Variants in CALCR observed in about 807,000 individuals in gnomAD.
CALCR encodes the protein calcitonin receptor.
A neutral mutation model predicts 59.5 loss-of-function variants in CALCR; 47 were observed. The observed-to-expected ratio is 0.79, with a 90% CI of 0.63 to 1.01. The LOEUF is 1.01. Ranked by LOEUF, CALCR falls within the 50% of genes least tolerant of loss-of-function variation. The pLI is 0.00. For missense variants in CALCR, 566 were observed against 597.1 expected (o/e 0.95, Z 0.54); for synonymous variants, 213 against 211.3 (o/e 1.01, Z -0.07).
chr7:93,499,684 G>T lies in CALCR; in HGVS notation c.-26-12677C>A, dbSNP rs148035085. ...CTAAGTGAAACTCTGGTAAATATAT[G>T]ATTGGTTAAATATGTTGGTGCTTGG... On this transcript the variant is annotated intron_variant, in intron 2 of 13. Transcript: ENST00000426151. Among the ~76,000 whole-genome samples, 536 of 151,830 alleles carry T rather than the reference G, an allele frequency of 3.5e-3. 3 individuals are homozygous for T. Among genetic ancestry groups the T allele is most frequent in the African/African-American group, 0.012 (504 of 41,506 alleles).
At chr7:93,451,442 T>C (rs1800108213) in intron 8 of CALCR, among the ~76,000 whole-genome samples, 1 of 152,058 alleles carries the variant, frequency 6.6e-6, no homozygotes, top group Non-Finnish European at 1.5e-5. Context: ...CATGTCCTTT[T>C]CTGCTCCCCT....
At chr7:93,472,217 TCTACTCTAGAGATTCC>T (rs1221252688) in intron 6 of CALCR, among the ~76,000 whole-genome samples, 142 bp downstream of exon 6, 2 of 151,822 alleles carry the variant, frequency 1.3e-5, no homozygotes, top group African/African-American at 4.8e-5. Context: ...TTTCTCTAAT[TCTACTCTAGAGATTCC>T]TAGAACTTAC....
At chr7:93,427,637 T>C (rs1799558405) in intron 13 of CALCR, among the ~76,000 whole-genome samples, 1 of 152,196 alleles carries the variant, frequency 6.6e-6, no homozygotes, top group Admixed American at 6.5e-5. Flanking sequence ...AATCATTTTA[T>C]CTACTTTACA....
chr7:93,548,437 T>C (rs1789353330), intron 2 of CALCR, among the ~76,000 whole-genome samples: 1 of 152,198 alleles, frequency 6.6e-6, no homozygotes, highest in East Asian at 1.9e-4. Flanking sequence ...TAATTCTTAA[T>C]GATCAATCAT....
chr7:93,471,641 G>A (rs62466839), intron 6 of CALCR, among the ~76,000 whole-genome samples: 1 of 151,720 alleles, frequency 6.6e-6, no homozygotes, highest in African/African-American at 2.4e-5. Flanking sequence ...GCTTAGAGAC[G>A]CCCTGCACAG....
At chr7:93,454,008 C>T (rs1260170003) in intron 8 of CALCR, among the ~76,000 whole-genome samples, 2 of 152,050 alleles carry the variant, frequency 1.3e-5, no homozygotes, top group African/African-American at 4.8e-5. Flanking sequence ...CCTTCAAATG[C>T]ATCATACACT....
intron 5 of CALCR, among the ~76,000 whole-genome samples, chr7:93,476,393 T>C (rs1430360559): frequency 6.6e-6 from 1 of 151,820 alleles, no homozygotes; most frequent in East Asian, 1.9e-4. Context: ...AAGCTTTAGG[T>C]CAATAAGAAA....
At position 93,543,174 on chromosome 7, in the gene CALCR, T is replaced by C. The variant is rs77123015; in HGVS notation, c.-27+31115A>G. On this transcript the variant is annotated intron_variant, in intron 2 of 13. Coordinates refer to ENST00000426151, the MANE Select transcript of CALCR (RefSeq NM_001742.4). ...ATAGTTATAGTTGTATATAGGACTA[T>C]AGTTATACATACCAGGCTGGTGTGC... Among the ~76,000 whole-genome samples the C allele has an allele frequency of 5.3e-4, 80 of 152,288 alleles. No individual in the cohort carries two copies. The East Asian group carries it at 0.013, about 24-fold the overall frequency.
rs1696631453 is a variant in CALCR, at chr7:93,472,480, A to T, written c.324T>A (p.Val108=). 1 of 1,579,962 alleles carries T rather than the reference A, an allele frequency of 6.3e-7. No individual in the cohort carries two copies. The highest frequency in any genetic ancestry group is 1.3e-5 in the African/African-American group (1 of 74,128). The change falls in exon 6 of 14, where the codon GTT becomes GTA. Residue 108 remains valine, a synonymous_variant. Transcript: ENST00000426151. ...YFPDFDPSEK[V]TKYCDEKGVW... ...CACCTTTTTCATCACAGTATTTTGT[A>T]ACCTTTTCTGTTAATGAAACATAAC...
chr7:93,520,938 G>A (rs950423427), intron 2 of CALCR, among the ~76,000 whole-genome samples: 5 of 152,024 alleles, frequency 3.3e-5, no homozygotes, highest in Admixed American at 6.6e-5. Flanking sequence ...CATGCAATTC[G>A]AGAAAGGTCA....
intron 2 of CALCR, among the ~76,000 whole-genome samples, chr7:93,524,975 G>C (rs1011728533): frequency 6.6e-6 from 1 of 152,018 alleles, no homozygotes; most frequent in African/African-American, 2.4e-5. Context: ...GGGTTGTTTG[G>C]AGTATTAAAA....
chr7:93,556,896 G>T (rs762030299), intron 2 of CALCR, among the ~76,000 whole-genome samples: 2 of 151,894 alleles, frequency 1.3e-5, no homozygotes, highest in African/African-American at 4.8e-5. Flanking sequence ...AGAAAGACTC[G>T]CATTTCTGTA....
chr7:93,494,003 T>G (rs1161789169), intron 2 of CALCR, among the ~76,000 whole-genome samples: 1 of 151,396 alleles, frequency 6.6e-6, no homozygotes, highest in Non-Finnish European at 1.5e-5. Context: ...ATACATTAAA[T>G]TCCTAAAGGT....
rs894119943 is a variant in CALCR, at chr7:93,424,546, T to C, written c.*1810A>G. The C allele has an allele frequency of 2.6e-5, 4 of 152,640 alleles. No homozygotes were observed. The highest frequency in any genetic ancestry group is 5.9e-5 in the Non-Finnish European group (4 of 68,018). The allele number at this position is 152,640 out of a possible 1,614,324, so 9.5% of individuals were successfully genotyped here. A position where few individuals can be genotyped will look rare whatever the true frequency, so the allele number is the denominator to read the frequency against. On this transcript the variant is annotated 3_prime_UTR_variant, in exon 14 of 14. Transcript: ENST00000426151. ...AATATGCAAATATACATCTTTTTGCTTTTAACGTACTCTGTATTAATTTAT... is the reference window on the plus strand; with the variant it reads ...AATATGCAAATATACATCTTTTTGCCTTTAACGTACTCTGTATTAATTTAT...
At chr7:93,550,635 A>ACACACACACC (rs1789430070) in intron 2 of CALCR, among the ~76,000 whole-genome samples, 3 of 146,570 alleles carry the variant, frequency 2.0e-5, no homozygotes, top group Non-Finnish European at 3.0e-5. Context: ...ACACACACAC[A>ACACACACACC]CACACGAGAG....
intron 2 of CALCR, among the ~76,000 whole-genome samples, chr7:93,542,329 T>C (rs1301697580): frequency 6.6e-6 from 1 of 152,188 alleles, no homozygotes; most frequent in Non-Finnish European, 1.5e-5. Context: ...TGGCAAGTGT[T>C]TGTGTATCTA....
chr7:93,534,544 G>C (rs1788935976), intron 2 of CALCR, among the ~76,000 whole-genome samples: 1 of 151,788 alleles, frequency 6.6e-6, no homozygotes, highest in Non-Finnish European at 1.5e-5. Context: ...AACTATGTCA[G>C]TACCCTTTCC....
intron 2 of CALCR, among the ~76,000 whole-genome samples, chr7:93,550,598 A>AACAC (rs201729250): frequency 0.041 from 5,029 of 121,860 alleles, 109 homozygotes; most frequent in Non-Finnish European, 0.045. Flanking sequence ...ATTTGGGCTA[A>AACAC]ACACACACAC....
rs1563022588 is a variant in CALCR at position 93,564,462 on chromosome 7, A to ATTT, written c.-27+9826_-27+9827insAAA. ...CATTAACATTGATACTACACTTTTA[A>ATTT]AAAAAAAAAAATGGAGTTTTGCTCT... On this transcript the variant is annotated intron_variant, in intron 2 of 13. Transcript: ENST00000426151. Among the ~76,000 whole-genome samples the ATTT allele has an allele frequency of 4.0e-5, 6 of 148,674 alleles. 1 individual carries two copies. Among genetic ancestry groups the ATTT allele is most frequent in the Admixed American group, 2.0e-4 (3 of 14,856 alleles).
Sources: gnomAD v4.1 joint callset for allele counts (sites outside exome capture counted in the v4.1 genomes callset) on GRCh38, gnomAD v4.1.1 for gene constraint, MANE v1.5 for transcripts, NCBI Gene and HGNC (gene_info 2026-07-23, HGNC 2026-07-21) for gene names.